The following KIF14 variants were observed in gnomAD, a reference collection of about 807,000 sequenced individuals.
KIF14 encodes the protein kinesin-like protein KIF14.
KIF14 carries 98 observed loss-of-function variants against 176.2 expected under a neutral mutation model. The observed-to-expected ratio is 0.56, with a 90% confidence interval of 0.47 to 0.66. The LOEUF is 0.66. KIF14 is among the 30% of genes least tolerant of loss of function. The probability of loss-of-function intolerance (pLI) is 0.00; values close to 1 mark genes in which losing one functional copy is unlikely to be tolerated. For synonymous variants in KIF14, 566 were observed against 632.2 expected (o/e 0.90, Z 1.57); for missense variants, 1,751 against 1,920.4 (o/e 0.91, Z 1.65).
rs1658052654 is a variant in KIF14, at chr1:200,575,570, TA to T, written c.3566+20del. On this transcript the variant is annotated intron_variant, in intron 22 of 29. Transcript: ENST00000367350. ...ATGCACACACAAAGTGCAAGAAAAC[TA>T]GTAACAAAATTGTCTTTACCTCCTT... The T allele has an allele frequency of 1.4e-6, 2 of 1,462,822 alleles. No homozygotes were observed. The highest frequency in any genetic ancestry group is 1.9e-6 in the Non-Finnish European group (2 of 1,059,356). 90.6% of individuals were successfully genotyped at this position (1,462,822 alleles called of 1,614,324 possible).
chr1:200,580,152 T>C (rs1348835887), intron 21 of KIF14, 102 bp downstream of exon 21: 2 of 564,766 alleles, frequency 3.5e-6, no homozygotes, highest in Non-Finnish European at 2.7e-6. Flanking sequence ...ATGGAGAATA[T>C]GTCACTTTTA....
At chr1:200,619,779 C>T (rs941468051) in intron 1 of KIF14, among the ~76,000 whole-genome samples, 5 of 152,156 alleles carry the variant, frequency 3.3e-5, no homozygotes, top group Non-Finnish European at 7.4e-5. Context: ...TGAGAAAAAC[C>T]ATGCAAGATT....
chr1:200,612,620 G>A (rs192200127), intron 4 of KIF14, among the ~76,000 whole-genome samples: 16 of 152,058 alleles, frequency 1.1e-4, no homozygotes, highest in African/African-American at 3.9e-4. Context: ...TTAATTACTG[G>A]GAATGAGAGG....
chr1:200,607,530 G>A (rs187609800), intron 5 of KIF14, among the ~76,000 whole-genome samples: 3 of 152,176 alleles, frequency 2.0e-5, no homozygotes, highest in South Asian at 2.1e-4. Flanking sequence ...AAACATATTC[G>A]TTAAATTTCA....
Position 200,581,243 on chromosome 1 carries a change from T to C in KIF14, c.3293A>G (p.Asn1098Ser), listed in dbSNP as rs746253704. ...MKLSMMIQEA[N>S]AISSKLKTYY... ...TGTTTTCAATTTGCTGCTGATAGCA[T>C]TGGCTTCCTGAATCATCATTGAGAG... Residue 1098 changes from asparagine to serine, a missense_variant, in exon 20 of 30, where the codon AAT becomes AGT. Asn to Ser is a conservative substitution (Grantham distance 46). Transcript: ENST00000367350. 3 of 1,605,500 alleles carry C rather than the reference T, an allele frequency of 1.9e-6. No individual in the cohort carries two copies. Among genetic ancestry groups the C allele is most frequent in the South Asian group, 1.1e-5 (1 of 89,080 alleles).
chr1:200,561,000 G>A lies in KIF14; in HGVS notation c.4072-120C>T, dbSNP rs899363140. ...AATTCCAGCAGTTTGGGAGGCCGAG[G>A]CGGGTGGATCGCCTGAGGTCAGGAG... On this transcript the variant is annotated intron_variant, in intron 25 of 29. Coordinates refer to ENST00000367350, the MANE Select transcript of KIF14 (RefSeq NM_014875.3). 2.9e-5 allele frequency: 24 copies of A among 834,894 alleles called. No individual in the cohort carries two copies. The Admixed American group carries it at 3.3e-4, about 12-fold the overall frequency. The allele number at this position is 834,894 out of a possible 1,614,324, so 51.7% of individuals were successfully genotyped here. A position where few individuals can be genotyped will look rare whatever the true frequency, so the allele number is the denominator to read the frequency against.
intron 22 of KIF14, 105 bp from the exon 23 acceptor site, chr1:200,570,110 T>C: frequency 1.9e-6 from 1 of 538,260 alleles, no homozygotes; most frequent in East Asian, 3.1e-5. Context: ...CATGTGTGTG[T>C]TTTTCATTAA....
chr1:200,608,089 A>G (rs1201003777), intron 5 of KIF14, among the ~76,000 whole-genome samples: 1 of 152,172 alleles, frequency 6.6e-6, no homozygotes, highest in Non-Finnish European at 1.5e-5. Context: ...AAAAGATTAT[A>G]TAATTGTGAA....
chr1:200,614,878 T>C (rs923637090), intron 3 of KIF14, among the ~76,000 whole-genome samples: 15 of 150,618 alleles, frequency 1.0e-4, no homozygotes, highest in African/African-American at 3.6e-4. Context: ...CAGGTATTAT[T>C]ATCATAGCTA....
rs750731337 is a variant in KIF14 at position 200,600,120 on chromosome 1, A to G, written c.2301-7T>C. 1.3e-6 allele frequency: 2 copies of G among 1,583,152 alleles called. No individual in the cohort carries two copies. The highest frequency in any genetic ancestry group is 2.2e-5 in the East Asian group (1 of 44,664). On this transcript the variant is annotated splice_polypyrimidine_tract_variant and splice_region_variant and intron_variant, in intron 12 of 29. Coordinates refer to ENST00000367350, the MANE Select transcript of KIF14 (RefSeq NM_014875.3). ...AAACTTTTCTTTCCACACTCTTTCC[A>G]AAGACAAAGAAAATAACAGAGTTAA...
chr1:200,619,303 A>ATT lies in KIF14; in HGVS notation c.-115-467_-115-466dup, dbSNP rs35089676. On this transcript the variant is annotated intron_variant, in intron 1 of 29. Transcript: ENST00000367350. ...ATTTTTATAAATACCTGCTACACGT[A>ATT]TTTTTTTTTTTTGCCAATGTTCCAT... is the stretch of plus-strand genomic sequence containing the variant. 1.2e-3 allele frequency among the ~76,000 whole-genome samples: 180 copies of ATT among 147,886 alleles called. 1 individual carries two copies. The highest frequency in any genetic ancestry group is 3.9e-3 in the African/African-American group (160 of 40,584).
At chr1:200,605,128 A>G (rs1659807613) in intron 8 of KIF14, among the ~76,000 whole-genome samples, 155 bp downstream of exon 8, 1 of 152,212 alleles carries the variant, frequency 6.6e-6, no homozygotes, top group South Asian at 2.1e-4. Context: ...ACTTAAATGT[A>G]TTTACTATCT....
chr1:200,584,863 GAA>G (rs1020359120), intron 19 of KIF14, among the ~76,000 whole-genome samples: 1 of 152,034 alleles, frequency 6.6e-6, no homozygotes, highest in African/African-American at 2.4e-5. Flanking sequence ...AGCTGGGCAA[GAA>G]AAAGAGATAA....
intron 11 of KIF14, among the ~76,000 whole-genome samples, chr1:200,601,393 A>G (rs1489473406): frequency 6.6e-6 from 1 of 152,236 alleles, no homozygotes; most frequent in Non-Finnish European, 1.5e-5. Flanking sequence ...GTACAAATCA[A>G]GATTTCTTGC....
At chr1:200,604,499 C>T (rs1659777852) in intron 8 of KIF14, among the ~76,000 whole-genome samples, 1 of 152,032 alleles carries the variant, frequency 6.6e-6, no homozygotes, top group Admixed American at 6.6e-5. Context: ...AGATTAAAAT[C>T]CATAACCACT....
At chr1:200,555,966 A>G (rs1415987520) in intron 27 of KIF14, among the ~76,000 whole-genome samples, 2 of 152,228 alleles carry the variant, frequency 1.3e-5, no homozygotes, top group Non-Finnish European at 2.9e-5. Context: ...CAAAATTTCT[A>G]AATTTCCCTT....
intron 1 of KIF14, among the ~76,000 whole-genome samples, chr1:200,619,946 A>G (rs1363568758): frequency 6.6e-6 from 1 of 152,200 alleles, no homozygotes; most frequent in Non-Finnish European, 1.5e-5. Flanking sequence ...CTTTGTATCC[A>G]ACTCCTTACA....
intron 22 of KIF14, among the ~76,000 whole-genome samples, chr1:200,570,654 G>T (rs936324918): frequency 6.6e-6 from 1 of 152,168 alleles, no homozygotes; most frequent in Non-Finnish European, 1.5e-5. Context: ...GGTGGTCTTT[G>T]CATGTCAATA....
chr1:200,565,396 C>A, intron 24 of KIF14, 49 bp downstream of exon 24: 1 of 1,472,698 alleles, frequency 6.8e-7, no homozygotes. Context: ...GTGCAATGTG[C>A]AGAAAATAAT....
Sources: allele counts gnomAD v4.1 joint callset (sites outside exome capture counted in the v4.1 genomes callset), GRCh38; gene constraint gnomAD v4.1.1; transcripts MANE v1.5; gene names NCBI Gene and HGNC (gene_info 2026-07-23, HGNC 2026-07-21).